STXBP4: variants seen among roughly 807,000 people sequenced by gnomAD.
The protein encoded by STXBP4 is syntaxin-binding protein 4.
STXBP4 carries 55 observed loss-of-function variants against 76.1 expected under a neutral mutation model. The observed-to-expected ratio is 0.72, with a 90% CI of 0.58 to 0.91. The LOEUF (loss-of-function observed/expected upper bound fraction) is 0.91. STXBP4 is among the 40% of genes least tolerant of loss of function. The probability of loss-of-function intolerance (pLI) is 0.00; values close to 1 mark genes in which losing one functional copy is unlikely to be tolerated. For missense variants in STXBP4, 618 were observed against 636.9 expected (o/e 0.97, Z 0.32); for synonymous variants, 201 against 220.2 (o/e 0.91, Z 0.77).
chr17:55,102,281 T>A (rs903967095), intron 16 of STXBP4, among the ~76,000 whole-genome samples: 1 of 152,004 alleles, frequency 6.6e-6, no homozygotes, highest in Non-Finnish European at 1.5e-5. Flanking sequence ...CCCCCAGCCC[T>A]CCACCCCAAG....
chr17:54,997,699 A>G (rs534897378), intron 4 of STXBP4, among the ~76,000 whole-genome samples: 91 of 148,376 alleles, frequency 6.1e-4, no homozygotes, highest in African/African-American at 2.2e-3. Flanking sequence ...GGCTCAAGTG[A>G]TCCTCCCACT....
chr17:55,159,342 AG>A (rs2145194593), intron 17 of STXBP4, among the ~76,000 whole-genome samples: 1 of 152,376 alleles, frequency 6.6e-6, no homozygotes, highest in South Asian at 2.1e-4. Flanking sequence ...ATGTTTAGCA[AG>A]TGAGTAACAG....
chr17:55,065,284 A>G (rs1288297498), intron 12 of STXBP4, among the ~76,000 whole-genome samples: 1 of 152,172 alleles, frequency 6.6e-6, no homozygotes, highest in South Asian at 2.1e-4. Context: ...ATTCATCGAC[A>G]TCAACTTAAG....
At chr17:55,146,154 A>G (rs2080150852) in intron 17 of STXBP4, among the ~76,000 whole-genome samples, 1 of 152,218 alleles carries the variant, frequency 6.6e-6, no homozygotes, top group South Asian at 2.1e-4. Context: ...ATTTATGACA[A>G]ATTAGACATA....
At chr17:55,208,412 A>G in the STXBP4 span, among the ~76,000 whole-genome samples, 1 of 152,140 alleles carries the variant, frequency 6.6e-6, no homozygotes, top group African/African-American at 2.4e-5. Flanking sequence ...CATATAATTT[A>G]TCATTCAAAT....
At chr17:55,073,819 G>A (rs2079149670) in intron 13 of STXBP4, among the ~76,000 whole-genome samples, 1 of 152,092 alleles carries the variant, frequency 6.6e-6, no homozygotes, top group South Asian at 2.1e-4. Context: ...TGTAGAGACA[G>A]GGTTTCACCA....
intron 10 of STXBP4, among the ~76,000 whole-genome samples, chr17:55,035,400 T>C (rs576865236): frequency 2.6e-5 from 4 of 152,088 alleles, no homozygotes; most frequent in South Asian, 4.1e-4. Context: ...ATTATCCTTT[T>C]ATGCTCAAAA....
At chr17:55,018,162 G>A (rs2078241752) in intron 8 of STXBP4, among the ~76,000 whole-genome samples, 1 of 152,138 alleles carries the variant, frequency 6.6e-6, no homozygotes, top group Non-Finnish European at 1.5e-5. Context: ...GAAGCCGTGG[G>A]TCACGGAAGA....
the STXBP4 span, among the ~76,000 whole-genome samples, chr17:55,187,029 C>T: frequency 5.3e-5 from 8 of 152,252 alleles, no homozygotes; most frequent in Middle Eastern, 3.4e-3. Context: ...GGCTGTGGGG[C>T]GAAGAAATAC....
At chr17:55,012,025 G>GATC (rs1411697552) in intron 8 of STXBP4, among the ~76,000 whole-genome samples, 3 of 152,168 alleles carry the variant, frequency 2.0e-5, no homozygotes, top group Admixed American at 6.5e-5. Flanking sequence ...GTCCGCGGTA[G>GATC]ATCTTAGTCA....
Position 55,164,482 on chromosome 17 carries a change from C to G in STXBP4, c.*4571C>G, listed in dbSNP as rs933618335. ...TTTTTGAGACGGAGTCTCGCTCTGT[C>G]GCCCAGGCGGGACTGCGGACTGCAG... On this transcript the variant is annotated 3_prime_UTR_variant, in exon 18 of 18. Coordinates refer to ENST00000376352, the MANE Select transcript of STXBP4 (RefSeq NM_178509.6). The G allele has an allele frequency of 3.3e-5, 4 of 122,290 alleles. No individual in the cohort carries two copies. The highest frequency in any genetic ancestry group is 1.3e-4 in the African/African-American group (4 of 31,302). 7.6% of individuals were successfully genotyped at this position (122,290 alleles called of 1,614,324 possible).
intron 16 of STXBP4, among the ~76,000 whole-genome samples, chr17:55,100,989 C>T (rs1811636417): frequency 6.6e-6 from 1 of 152,300 alleles, no homozygotes; most frequent in Non-Finnish European, 1.5e-5. Context: ...CACAGCCATG[C>T]TCAACCTGTA....
chr17:55,021,758 TA>T (rs2078315611), intron 8 of STXBP4, among the ~76,000 whole-genome samples: 2 of 152,208 alleles, frequency 1.3e-5, no homozygotes. Context: ...AGTTACATTT[TA>T]ACTTTCACAT....
intron 8 of STXBP4, among the ~76,000 whole-genome samples, chr17:55,013,291 AG>A (rs1245304182): frequency 1.3e-5 from 2 of 152,216 alleles, no homozygotes; most frequent in African/African-American, 4.8e-5. Flanking sequence ...CCCGTTGGCA[AG>A]CTTAACACTG....
At chr17:55,034,612 C>T (rs949608186) in intron 10 of STXBP4, among the ~76,000 whole-genome samples, 1 of 152,004 alleles carries the variant, frequency 6.6e-6, no homozygotes, top group Non-Finnish European at 1.5e-5. Context: ...TAGAAAAGCA[C>T]CTATATAATG....
At position 55,064,640 on chromosome 17, in the gene STXBP4, C is replaced by T. The variant is rs1016401934; in HGVS notation, c.1012-8260C>T. Among the ~76,000 whole-genome samples, 12 of 148,868 alleles carry T rather than the reference C, an allele frequency of 8.1e-5. No homozygotes were observed. In the East Asian group the frequency reaches 1.2e-3, roughly 14 times the overall value. ...TCCTGAGTAGCTGGGATTGCAGGCA[C>T]GCCACCCGCCACCCGCCACCATGCC... On this transcript the variant is annotated intron_variant, in intron 12 of 17. Coordinates refer to ENST00000376352, the MANE Select transcript of STXBP4 (RefSeq NM_178509.6).
chr17:55,206,342 T>G, the STXBP4 span, among the ~76,000 whole-genome samples: 1 of 152,290 alleles, frequency 6.6e-6, no homozygotes, highest in East Asian at 1.9e-4. Context: ...TCCCAAAGCT[T>G]CTTTTCTGAT....
chr17:55,085,431 A>G (rs2079313850), intron 16 of STXBP4, among the ~76,000 whole-genome samples: 1 of 152,162 alleles, frequency 6.6e-6, no homozygotes. Flanking sequence ...AATCATTATT[A>G]CAAGTACCCA....
At chr17:55,122,375 T>C (rs907172226) in intron 16 of STXBP4, among the ~76,000 whole-genome samples, 1 of 152,118 alleles carries the variant, frequency 6.6e-6, no homozygotes, top group African/African-American at 2.4e-5. Context: ...TAGGAGAGTA[T>C]GCACAGAGGA....
Sources: gnomAD v4.1 joint callset for allele counts (sites outside exome capture counted in the v4.1 genomes callset) on GRCh38, gnomAD v4.1.1 for gene constraint, MANE v1.5 for transcripts, NCBI Gene and HGNC (gene_info 2026-07-23, HGNC 2026-07-21) for gene names.